Variants in MROH2A observed in about 807,000 individuals in gnomAD.
The protein encoded by MROH2A is maestro heat-like repeat-containing protein family member 2A.
In MROH2A, 174 loss-of-function variants were observed where a neutral mutation model predicts 200.4. The observed-to-expected ratio is 0.87, with a 90% confidence interval of 0.77 to 0.98. MROH2A has a LOEUF of 0.98. MROH2A is among the 50% of genes least tolerant of loss of function. The probability of loss-of-function intolerance (pLI) is 0.00; values close to 1 mark genes in which losing one functional copy is unlikely to be tolerated. For missense variants in MROH2A, 2,045 were observed against 2,139.6 expected (o/e 0.96, Z 0.87); for synonymous variants, 829 against 840.4 (o/e 0.99, Z 0.23).
chr2:233,819,518 G>T, intron 30 of MROH2A, 49 bp downstream of exon 30: 1 of 1,530,172 alleles, frequency 6.5e-7, no homozygotes, highest in South Asian at 1.2e-5. Context: ...GGGGCTGCCT[G>T]GTGTGCCCAG....
intron 27 of MROH2A, among the ~76,000 whole-genome samples, chr2:233,817,523 C>T (rs1214547682): frequency 1.3e-5 from 2 of 152,204 alleles, no homozygotes; most frequent in African/African-American, 2.4e-5. Context: ...AAGTCCAACA[C>T]TCAGTAACAT....
chr2:233,824,904 T>A (rs1257384873), intron 35 of MROH2A, among the ~76,000 whole-genome samples: 1 of 152,240 alleles, frequency 6.6e-6, no homozygotes, highest in Admixed American at 6.5e-5. Context: ...AATCTATACA[T>A]TACTTTGGGC....
upstream of MROH2A, among the ~76,000 whole-genome samples, chr2:233,776,260 A>G (rs575775454): frequency 6.6e-6 from 1 of 152,240 alleles, no homozygotes; most frequent in African/African-American, 2.4e-5. Context: ...TAGTGGTGCA[A>G]CGTGCCATAG....
intron 35 of MROH2A, among the ~76,000 whole-genome samples, chr2:233,827,617 G>A (rs144715578): frequency 6.6e-6 from 1 of 152,272 alleles, no homozygotes; most frequent in East Asian, 1.9e-4. Flanking sequence ...GCTAATGCAT[G>A]CTGGGCTTAA....
Position 233,809,208 on chromosome 2 carries a change from A to C in MROH2A, c.2378A>C (p.Gln793Pro). The change falls in exon 22 of 42, where the codon CAG becomes CCG. Residue 793 changes from glutamine to proline, a missense_variant. This residue lies in a region of MROH2A where 1,201 missense variants were observed against 1,311.3 expected (regional missense o/e 0.92). Transcript: ENST00000389758. The part of the protein sequence containing the change: ...YSCVASYCHP[Q>P]LLLNLVDSPI... The stretch of plus-strand genomic sequence containing the variant: ...TGCGTGGCCTCCTACTGCCACCCCC[A>C]GTTGCTCCTCAACCTCGTGGACAGC... 2 of 1,550,450 alleles carry C rather than the reference A, an allele frequency of 1.3e-6. No homozygotes were observed. Among genetic ancestry groups the C allele is most frequent in the African/African-American group, 1.4e-5 (1 of 73,108 alleles).
At chr2:233,818,597 G>A (rs889775294) in intron 28 of MROH2A, 55 bp from the exon 29 acceptor site, 6 of 1,120,272 alleles carry the variant, frequency 5.4e-6, no homozygotes, top group South Asian at 1.3e-5. Context: ...CACGAAGGGG[G>A]GGTGGCTGGG....
In MROH2A at chr2:233,789,889, C is replaced by T. The variant is rs778775020; in HGVS notation, c.446C>T (p.Thr149Ile). ...GYMKAEVASD[T>I]LVALSRNHFS... ...ATGAAGGCAGAGGTGGCCAGCGACA[C>T]ACTGGTGGCTCTGTCCCGAAACCAC... Residue 149 changes from threonine (T) to isoleucine (I), a missense_variant, in exon 5 of 42, where the codon ACA becomes ATA. Transcript: ENST00000389758. 1.9e-6 allele frequency: 3 copies of T among 1,550,370 alleles called. No individual in the cohort carries two copies. Among genetic ancestry groups the T allele is most frequent in the African/African-American group, 1.4e-5 (1 of 73,144 alleles).
intron 35 of MROH2A, among the ~76,000 whole-genome samples, chr2:233,827,675 TC>T (rs1377699460): frequency 6.6e-5 from 10 of 152,026 alleles, no homozygotes; most frequent in African/African-American, 2.4e-4. Flanking sequence ...ATGACACACG[TC>T]TACCTATGTA....
rs549186455 is a variant in MROH2A at position 233,830,621 on chromosome 2, C to T, written c.4603-788C>T. On this transcript the variant is annotated intron_variant, in intron 38 of 41. Coordinates refer to ENST00000389758, the MANE Select transcript of MROH2A (RefSeq NM_001394639.1). ...CCTGGGTGGCCCAGGTGGGATGGCC[C>T]AGGTGGCCCAGGTGGGATGGCCCTG... Among the ~76,000 whole-genome samples the T allele has an allele frequency of 4.7e-5, 3 of 64,012 alleles. No individual in the cohort carries two copies. In the Admixed American group the frequency reaches 5.0e-4, roughly 11 times the overall value. The allele number at this position is 64,012 out of a possible 152,430, so 42.0% of individuals were successfully genotyped here.
Position 233,828,579 on chromosome 2 carries a change from C to T in MROH2A, c.4114-51C>T. 6.5e-7 allele frequency: 1 copy of T among 1,536,116 alleles called. No individual in the cohort carries two copies. The highest frequency in any genetic ancestry group is 8.8e-7 in the Non-Finnish European group (1 of 1,136,712). On this transcript the variant is annotated intron_variant, in intron 35 of 41. Transcript: ENST00000389758. This position sits in a 1 kb window ranked among gnomAD's most constrained non-coding sequence, Gnocchi z 4.6. Reference sequence around the variant, plus strand: ...TCTCCTCCCACGTCCCACCTTGCTGCTGAGAAATGAGCCCGCCCTGGGGAT... The same window carrying T: ...TCTCCTCCCACGTCCCACCTTGCTGTTGAGAAATGAGCCCGCCCTGGGGAT...
At chr2:233,788,630 C>A (rs890067686) in intron 3 of MROH2A, among the ~76,000 whole-genome samples, 1 of 152,064 alleles carries the variant, frequency 6.6e-6, no homozygotes, top group Non-Finnish European at 1.5e-5. Context: ...TAGAAAGTAA[C>A]CCTCATTCCT....
intron 18 of MROH2A, 144 bp downstream of exon 18, chr2:233,804,691 T>C: frequency 1.3e-6 from 1 of 773,362 alleles, no homozygotes; most frequent in Non-Finnish European, 2.1e-6. Context: ...ACTTGGGAGT[T>C]ACAAAGTCTA....
At chr2:233,803,546 C>G in intron 16 of MROH2A, 58 bp downstream of exon 16, 1 of 1,525,752 alleles carries the variant, frequency 6.6e-7, no homozygotes, top group South Asian at 1.2e-5. Flanking sequence ...TGTGGCACCT[C>G]TTCTTTAAAC....
intron 3 of MROH2A, among the ~76,000 whole-genome samples, chr2:233,783,940 T>A (rs1490784035): frequency 2.0e-5 from 3 of 152,194 alleles, no homozygotes; most frequent in East Asian, 1.9e-4. Flanking sequence ...ACTCTTTTTT[T>A]TTTATTTATT....
rs916900009 is a variant in MROH2A at position 233,782,362 on chromosome 2, T to C, written c.276+2510T>C. ...TAGCTTTCCATTTTTTGGTGTCTTC[T>C]TCAATTCTTTTCATCAGTGTTTTAT... On this transcript the variant is annotated intron_variant, in intron 3 of 41. Transcript: ENST00000389758. 2.0e-5 allele frequency among the ~76,000 whole-genome samples: 3 copies of C among 152,232 alleles called. No individual in the cohort carries two copies. In the East Asian group the frequency reaches 5.8e-4, roughly 29 times the overall value.
intron 3 of MROH2A, among the ~76,000 whole-genome samples, chr2:233,782,464 A>G (rs1287117897): frequency 1.3e-5 from 2 of 152,152 alleles, no homozygotes; most frequent in East Asian, 1.9e-4. Flanking sequence ...GGCTATTGTA[A>G]ATGAAATGGA....
At chr2:233,806,035 A>T (rs999012701) in intron 19 of MROH2A, among the ~76,000 whole-genome samples, 2 of 152,228 alleles carry the variant, frequency 1.3e-5, no homozygotes, top group African/African-American at 4.8e-5. Flanking sequence ...ACCAAAAAGC[A>T]CAAGTGACAA....
intron 22 of MROH2A, 44 bp downstream of exon 22, chr2:233,809,322 T>G: frequency 6.5e-7 from 1 of 1,537,200 alleles, no homozygotes; most frequent in Non-Finnish European, 8.8e-7. Context: ...TGGACCAGGC[T>G]GGTGGGTAGT....
intron 31 of MROH2A, among the ~76,000 whole-genome samples, chr2:233,821,849 G>A (rs979942012): frequency 6.6e-6 from 1 of 152,152 alleles, no homozygotes; most frequent in Non-Finnish European, 1.5e-5. Flanking sequence ...ACAGGTGGGG[G>A]TCTCTGTGGT....
Sources: gnomAD v4.1 joint callset for allele counts (sites outside exome capture counted in the v4.1 genomes callset) on GRCh38, gnomAD v4.1.1 for gene constraint, gnomAD v4.1.1 regional missense constraint, Gnocchi (gnomAD v3.1) non-coding constraint, MANE v1.5 for transcripts, NCBI Gene and HGNC (gene_info 2026-07-23, HGNC 2026-07-21) for gene names.